Variants in KAT2B observed in about 807,000 individuals in gnomAD.
The protein encoded by KAT2B is lysine acetyltransferase 2B, also known as histone acetyltransferase KAT2B.
In KAT2B, 36 loss-of-function variants were observed where a neutral mutation model predicts 105.9. The observed-to-expected ratio is 0.34, with a 90% CI of 0.26 to 0.45. The LOEUF is 0.45. KAT2B is among the 20% of genes least tolerant of loss of function. The probability of loss-of-function intolerance (pLI) is 1.00; values close to 1 mark genes in which losing one functional copy is unlikely to be tolerated. For missense variants in KAT2B, 820 were observed against 1,021.6 expected, an observed-to-expected ratio of 0.80 and a Z score of 2.69; for synonymous variants, 397 against 377.9, an observed-to-expected ratio of 1.05 and a Z score of -0.59.
At position 20,130,686 on chromosome 3, in the gene KAT2B, A is replaced by C. The variant is rs552349255; in HGVS notation, c.1749+3137A>C. ...CTTCCCAGAAAGGCAATTCCCCCCC[A>C]TAACCATGTAATTTTCTAAAGACTT... On this transcript the variant is annotated intron_variant, in intron 11 of 17. Coordinates refer to ENST00000263754, the MANE Select transcript of KAT2B (RefSeq NM_003884.5). Among the ~76,000 whole-genome samples the C allele has an allele frequency of 5.3e-5, 8 of 152,270 alleles. No homozygotes were observed. In the East Asian group the frequency reaches 1.2e-3, roughly 22 times the overall value.
intron 1 of KAT2B, among the ~76,000 whole-genome samples, chr3:20,052,440 T>C (rs1239583700): frequency 6.6e-6 from 1 of 152,170 alleles, no homozygotes; most frequent in Non-Finnish European, 1.5e-5. Flanking sequence ...TAAATTCATA[T>C]CTCGGGTGGA....
intron 1 of KAT2B, among the ~76,000 whole-genome samples, chr3:20,060,039 C>T (rs1300138117): frequency 6.6e-6 from 1 of 152,196 alleles, no homozygotes; most frequent in Non-Finnish European, 1.5e-5. Context: ...TGAGATACAT[C>T]CATGTTGTAG....
At chr3:20,117,547 T>C (rs551895509) in intron 7 of KAT2B, among the ~76,000 whole-genome samples, 128 of 152,326 alleles carry the variant, frequency 8.4e-4, no homozygotes, top group African/African-American at 3.0e-3. Context: ...GAAAAAAACA[T>C]AGAGCCTGGC....
At chr3:20,140,080 A>T (rs2125191553) in intron 12 of KAT2B, 141 bp from the exon 13 acceptor site, 1 of 528,292 alleles carries the variant, frequency 1.9e-6, no homozygotes, top group Non-Finnish European at 3.4e-6. Flanking sequence ...GGGTGGTTTT[A>T]AGCTAATCCT....
rs537083875 is a variant in KAT2B, at chr3:20,062,872, C to T, written c.304-9461C>T. On this transcript the variant is annotated intron_variant, in intron 1 of 17. Coordinates refer to ENST00000263754, the MANE Select transcript of KAT2B (RefSeq NM_003884.5). ...AAGTCCTTTGCCCATTGTAAAATTTCGTTGTTGTTGTTGTTGTTGAGTTGT... is the reference window on the plus strand; with the variant it reads ...AAGTCCTTTGCCCATTGTAAAATTTTGTTGTTGTTGTTGTTGTTGAGTTGT... 5.3e-5 allele frequency among the ~76,000 whole-genome samples: 8 copies of T among 151,844 alleles called. No homozygotes were observed. The South Asian group carries it at 1.0e-3, about 20-fold the overall frequency.
At chr3:20,114,673 T>C (rs893289781) in intron 6 of KAT2B, among the ~76,000 whole-genome samples, 3 of 152,128 alleles carry the variant, frequency 2.0e-5, no homozygotes, top group Non-Finnish European at 4.4e-5. Context: ...CTATGCAGGG[T>C]CAAAAGAGTA....
chr3:20,047,838 A>G (rs1050498289), intron 1 of KAT2B, among the ~76,000 whole-genome samples: 1 of 149,904 alleles, frequency 6.7e-6, no homozygotes, highest in Non-Finnish European at 1.5e-5. Flanking sequence ...CTGGTCTCAA[A>G]CTCCTGACCT....
chr3:20,114,853 A>T (rs1487010475), intron 6 of KAT2B, 29 bp from the exon 7 acceptor site: 15 of 1,266,946 alleles, frequency 1.2e-5, no homozygotes, highest in Admixed American at 5.6e-5. Flanking sequence ...GTTTTTTTTT[A>T]ATCTTATTGC....
At chr3:20,133,625 T>A (rs1699549276) in intron 11 of KAT2B, among the ~76,000 whole-genome samples, 1 of 152,244 alleles carries the variant, frequency 6.6e-6, no homozygotes, top group African/African-American at 2.4e-5. Flanking sequence ...AATGTTCTGT[T>A]TGGAAATGTT....
intron 2 of KAT2B, among the ~76,000 whole-genome samples, chr3:20,092,667 T>C (rs2886463): frequency 0.6 from 91,153 of 151,748 alleles, 27,798 homozygotes; most frequent in African/African-American, 0.7. Flanking sequence ...CCTTTATCAT[T>C]ATATAATGCC....
chr3:20,124,227 C>G (rs1050323641), intron 9 of KAT2B, among the ~76,000 whole-genome samples: 3 of 152,094 alleles, frequency 2.0e-5, no homozygotes, highest in African/African-American at 7.2e-5. Context: ...TTGTACTAGT[C>G]TATTGCATTG....
chr3:20,052,858 C>T (rs973676765), intron 1 of KAT2B, among the ~76,000 whole-genome samples: 3 of 152,120 alleles, frequency 2.0e-5, no homozygotes, highest in Non-Finnish European at 4.4e-5. Flanking sequence ...TGCCTGTAAT[C>T]CCAGCTATTC....
At chr3:20,110,410 C>T (rs1269370001) in intron 5 of KAT2B, among the ~76,000 whole-genome samples, 1 of 151,946 alleles carries the variant, frequency 6.6e-6, no homozygotes, top group East Asian at 1.9e-4. Flanking sequence ...GTAGCTCATG[C>T]CTGTAATCAC....
chr3:20,109,460 G>A (rs1699081785), intron 5 of KAT2B, among the ~76,000 whole-genome samples: 1 of 152,156 alleles, frequency 6.6e-6, no homozygotes, highest in South Asian at 2.1e-4. Flanking sequence ...AGGAATATAG[G>A]TATGTGCCAA....
At chr3:20,139,407 A>G (rs1235206904) in intron 12 of KAT2B, among the ~76,000 whole-genome samples, 1 of 152,102 alleles carries the variant, frequency 6.6e-6, no homozygotes, top group East Asian at 1.9e-4. Context: ...CTCAGCTGTA[A>G]CTGTAGTGCA....
At chr3:20,076,032 C>T (rs528391892) in intron 2 of KAT2B, among the ~76,000 whole-genome samples, 9 of 151,942 alleles carry the variant, frequency 5.9e-5, no homozygotes, top group African/African-American at 2.2e-4. Flanking sequence ...AACCTGGTCT[C>T]TCTGGTGAGC....
intron 2 of KAT2B, among the ~76,000 whole-genome samples, chr3:20,085,869 T>C (rs1002244317): frequency 2.0e-5 from 3 of 152,244 alleles, no homozygotes; most frequent in South Asian, 2.1e-4. Flanking sequence ...TTTAATTGAT[T>C]ATTCTTTTTC....
At chr3:20,127,686 C>A in intron 11 of KAT2B, 137 bp downstream of exon 11, 1 of 785,450 alleles carries the variant, frequency 1.3e-6, no homozygotes, top group Non-Finnish European at 2.0e-6. Flanking sequence ...TGGGAATAGT[C>A]CTCTCACTCC....
intron 5 of KAT2B, among the ~76,000 whole-genome samples, chr3:20,105,032 C>T (rs534958498): frequency 1.9e-3 from 285 of 151,942 alleles, no homozygotes; most frequent in Non-Finnish European, 2.6e-3. Context: ...ATTACAAGTG[C>T]GTGCCACCAT....
Sources: allele counts gnomAD v4.1 joint callset (sites outside exome capture counted in the v4.1 genomes callset), GRCh38; gene constraint gnomAD v4.1.1; transcripts MANE v1.5; gene names NCBI Gene and HGNC (gene_info 2026-07-23, HGNC 2026-07-21).